GPM6B: variants seen among roughly 807,000 people sequenced by gnomAD.
GPM6B encodes the protein glycoprotein M6B.
Under a neutral mutation model 27.2 loss-of-function variants are expected in GPM6B, and 4 were observed. The ratio of observed to expected loss-of-function variants is 0.15; its 90% CI spans 0.07 to 0.34. The LOEUF is 0.34. Ranked by LOEUF, GPM6B falls within the 10% of genes least tolerant of loss-of-function variation. GPM6B has a pLI of 1.00. For synonymous variants in GPM6B, 124 were observed against 103.1 expected (o/e 1.20, Z -1.23); for missense variants, 183 against 261.9 (o/e 0.70, Z 2.08).
At chrX:13,787,832 C>T (rs2048641982) in intron 2 of GPM6B, among the ~76,000 whole-genome samples, 1 of 111,723 alleles carries the variant, frequency 9.0e-6, no homozygotes, top group Non-Finnish European at 1.9e-5. Flanking sequence ...CCACAACCTC[C>T]CCACATTCTC....
At chrX:13,908,911 C>T (rs1035159812) in intron 1 of GPM6B, among the ~76,000 whole-genome samples, 1 of 111,885 alleles carries the variant, frequency 8.9e-6, no homozygotes, top group African/African-American at 3.2e-5. Flanking sequence ...AGCTAGCACA[C>T]AAATATTTGT....
At chrX:13,802,206 C>G (rs993442329) in intron 2 of GPM6B, among the ~76,000 whole-genome samples, 2 of 111,051 alleles carry the variant, frequency 1.8e-5, no homozygotes, top group African/African-American at 3.3e-5. Context: ...CAGCAAAGAC[C>G]AGATGACACT....
intron 1 of GPM6B, among the ~76,000 whole-genome samples, chrX:13,873,742 G>A (rs1420340464): frequency 1.8e-5 from 2 of 111,564 alleles, no homozygotes; most frequent in Non-Finnish European, 3.8e-5. Flanking sequence ...ACATGTAAGT[G>A]CCATGAAAAT....
At chrX:13,871,108 ACAAAAC>A (rs1173454473) in intron 1 of GPM6B, among the ~76,000 whole-genome samples, 1 of 36,972 alleles carries the variant, frequency 2.7e-5, no homozygotes, top group Non-Finnish European at 7.7e-5. Context: ...ACAAAACAAA[ACAAAAC>A]AAAAAAAAAA....
In GPM6B at chrX:13,774,731, G is replaced by GT. The variant is rs200760292; in HGVS notation, c.837+1506dup. On this transcript the variant is annotated intron_variant, in intron 7 of 7. Coordinates refer to ENST00000316715, the MANE Select transcript of GPM6B (RefSeq NM_001001995.3). ...CGGGTGCCTGCTCATAGTCTAAGGT[G>GT]TTTTTTTCCCACTTAAAATCACAAC... is the stretch of plus-strand genomic sequence containing the variant. 1,042 of 550,824 alleles carry GT rather than the reference G, an allele frequency of 1.9e-3. 4 individuals carry two copies. In the African/African-American group the frequency reaches 0.022, roughly 11 times the overall value. The allele number at this position is 550,824 out of a possible 1,213,427, so 45.4% of individuals were successfully genotyped here.
At chrX:13,816,517 C>CAT (rs1475755395) in intron 1 of GPM6B, among the ~76,000 whole-genome samples, 1 of 111,534 alleles carries the variant, frequency 9.0e-6, no homozygotes, top group Non-Finnish European at 1.9e-5. Context: ...TGGAATATAA[C>CAT]ATGCAGGACA....
rs905788671 is a variant in GPM6B at position 13,929,006 on chromosome X, C to G, written c.-198+9321G>C. ...GTCCTTTCTCTTCCAACTCCTGCAT[C>G]TCTCAAACACATGAACAAACGTAAT... On this transcript the variant is annotated intron_variant, in intron 1 of 6. Transcript: ENST00000398361. Among the ~76,000 whole-genome samples, 118 of 111,918 alleles carry G rather than the reference C, an allele frequency of 1.1e-3. 1 individual carries two copies. Among genetic ancestry groups the G allele is most frequent in the African/African-American group, 3.7e-3 (113 of 30,840 alleles).
chrX:13,866,334 G>C (rs781582254), intron 1 of GPM6B, among the ~76,000 whole-genome samples: 1 of 112,578 alleles, frequency 8.9e-6, no homozygotes, highest in South Asian at 3.7e-4. Context: ...TTGCACTCCA[G>C]TCTGGGCAAC....
At chrX:13,865,559 A>AAAAAAAAAAAAAAAAAAAAAAAAGAAAG (rs34662549) in intron 1 of GPM6B, among the ~76,000 whole-genome samples, 1 of 52,927 alleles carries the variant, frequency 1.9e-5, no homozygotes, top group Non-Finnish European at 3.6e-5. Context: ...AAAAAAAAAA[A>AAAAAAAAAAAAAAAAAAAAAAAAGAAAG]AAAGAAAGAA....
chrX:13,817,118 G>A, upstream of GPM6B: 3 of 965,331 alleles, frequency 3.1e-6, no homozygotes, highest in Non-Finnish European at 3.9e-6. Context: ...AAAGACAGCT[G>A]CCAAGGGGCA....
intron 1 of GPM6B, among the ~76,000 whole-genome samples, chrX:13,844,810 G>C (rs773519292): frequency 1.8e-5 from 2 of 111,666 alleles, no homozygotes; most frequent in Non-Finnish European, 3.8e-5. Flanking sequence ...CTATGGCTTA[G>C]AGTTCTTGAA....
intron 1 of GPM6B, among the ~76,000 whole-genome samples, chrX:13,861,144 C>CATATATACATATACACACATACAT (rs2049847325): frequency 9.3e-6 from 1 of 107,323 alleles, no homozygotes; most frequent in Admixed American, 1.0e-4. Flanking sequence ...ATATAATATA[C>CATATATACATATACACACATACAT]ATATATACAT....
intron 1 of GPM6B, among the ~76,000 whole-genome samples, chrX:13,930,632 G>T (rs907469882): frequency 9.1e-6 from 1 of 109,402 alleles, no homozygotes; most frequent in Non-Finnish European, 1.9e-5. Flanking sequence ...AAAAAGAAAC[G>T]AACAAGGGAA....
At chrX:13,875,155 C>T (rs1296741486) in intron 1 of GPM6B, among the ~76,000 whole-genome samples, 1 of 111,571 alleles carries the variant, frequency 9.0e-6, no homozygotes, top group African/African-American at 3.3e-5. Flanking sequence ...CCTTTGAGCA[C>T]AGAGAACGAG....
chrX:13,865,965 ATC>A (rs1484958513), intron 1 of GPM6B, among the ~76,000 whole-genome samples: 24 of 110,952 alleles, frequency 2.2e-4, no homozygotes, highest in African/African-American at 7.5e-4. Flanking sequence ...ATACCTCATG[ATC>A]CTGCTTGTAT....
intron 7 of GPM6B, among the ~76,000 whole-genome samples, chrX:13,775,416 TAAGTATACTCG>T (rs1348873472): frequency 8.9e-6 from 1 of 112,821 alleles, no homozygotes; most frequent in Non-Finnish European, 1.9e-5. Flanking sequence ...AGACTGTAAA[TAAGTATACTCG>T]AAGTATATTT....
chrX:13,833,849 T>C (rs1354975026), intron 1 of GPM6B, among the ~76,000 whole-genome samples: 2 of 112,869 alleles, frequency 1.8e-5, no homozygotes, highest in African/African-American at 6.4e-5. Context: ...AACTAAGTGA[T>C]GGCTTTCAAT....
At chrX:13,865,539 C>CT (rs1456326883) in intron 1 of GPM6B, among the ~76,000 whole-genome samples, 6 of 5,023 alleles carry the variant, frequency 1.2e-3, no homozygotes, top group African/African-American at 4.2e-3. Flanking sequence ...AAATCCATCT[C>CT]TTCAAAAAAA....
Position 13,772,932 on chromosome X carries a change from T to G in GPM6B, c.936A>C (p.Glu312Asp). The G allele has an allele frequency of 8.3e-7, 1 of 1,209,212 alleles. No individual in the cohort carries two copies. Among genetic ancestry groups the G allele is most frequent in the South Asian group, 1.8e-5 (1 of 56,889 alleles). The change falls in exon 8 of 8, where the codon GAA becomes GAC. Residue 312 changes from glutamate to aspartate, a missense_variant. By Grantham distance (45) the Glu-to-Asp change is conservative (BLOSUM62 2). Coordinates refer to ENST00000316715, the MANE Select transcript of GPM6B (RefSeq NM_001001995.3). ...YQDIKAKEEQ[E>D]LQDIQSRSKE... ...TTGACCGAGACTGGATATCTTGCAG[T>G]TCCTGTTCTTCCTTTGCTTTGATAT...
Sources: gnomAD v4.1 joint callset for allele counts (sites outside exome capture counted in the v4.1 genomes callset) on GRCh38, gnomAD v4.1.1 for gene constraint, MANE v1.5 for transcripts, NCBI Gene and HGNC (gene_info 2026-07-23, HGNC 2026-07-21) for gene names.